The following MAD1L1 variants were observed in gnomAD, a reference collection of about 807,000 sequenced individuals.
MAD1L1 encodes the protein mitotic spindle assembly checkpoint protein MAD1.
Under a neutral mutation model 96.9 loss-of-function variants are expected in MAD1L1, and 95 were observed. That is an observed-to-expected ratio of 0.98 (90% CI 0.83 to 1.16). MAD1L1 has a LOEUF of 1.16. Ranked by LOEUF, MAD1L1 falls within the 50% of genes most tolerant of loss-of-function variation. The pLI is 0.00. For synonymous variants in MAD1L1, 473 were observed against 396.6 expected (o/e 1.19, Z -2.29); for missense variants, 1,007 against 954.4 (o/e 1.06, Z -0.73).
At chr7:2,053,256 C>G (rs1006106355) in intron 12 of MAD1L1, among the ~76,000 whole-genome samples, 2 of 152,154 alleles carry the variant, frequency 1.3e-5, no homozygotes, top group South Asian at 4.1e-4. Context: ...TTGGGGGCCG[C>G]GGAGGCCCAT....
chr7:1,818,845 G>A (rs1448853920), intron 18 of MAD1L1, among the ~76,000 whole-genome samples: 2 of 146,598 alleles, frequency 1.4e-5, no homozygotes, highest in East Asian at 2.1e-4. Flanking sequence ...CTAATATACC[G>A]CGCTGCCCTC....
intron 12 of MAD1L1, among the ~76,000 whole-genome samples, chr7:2,060,177 GCCGAGATACA>G (rs1784581628): frequency 1.4e-5 from 2 of 145,262 alleles, no homozygotes; most frequent in African/African-American, 5.4e-5. Flanking sequence ...ATACGCCGAT[GCCGAGATACA>G]CCGATGCCAA....
chr7:2,192,374 C>G (rs1246011946), intron 10 of MAD1L1, among the ~76,000 whole-genome samples: 1 of 152,164 alleles, frequency 6.6e-6, no homozygotes, highest in Admixed American at 6.5e-5. Context: ...TCAGGTGATC[C>G]ACCCACCTCG....
intron 16 of MAD1L1, among the ~76,000 whole-genome samples, chr7:1,952,300 C>T (rs1038257509): frequency 6.6e-6 from 1 of 152,258 alleles, no homozygotes; most frequent in Non-Finnish European, 1.5e-5. Context: ...CCGAGGACTG[C>T]GGCCGACTCA....
chr7:1,816,501 T>C lies in MAD1L1; in HGVS notation c.1999-273A>G, dbSNP rs568746472. Among the ~76,000 whole-genome samples, 3 of 152,250 alleles carry C rather than the reference T, an allele frequency of 2.0e-5. No homozygotes were observed. In the South Asian group the frequency reaches 6.2e-4, roughly 32 times the overall value. On this transcript the variant is annotated intron_variant, in intron 18 of 18. Coordinates refer to ENST00000265854, the MANE Select transcript of MAD1L1 (RefSeq NM_001013836.2). The stretch of plus-strand genomic sequence containing the variant: ...TGTGGGGTGTGCCCACCCAAGGGGC[T>C]GCCACCTTGCTCCTTCCTCCACCTG...
At chr7:2,121,270 G>T (rs530987686) in intron 11 of MAD1L1, among the ~76,000 whole-genome samples, 1 of 152,226 alleles carries the variant, frequency 6.6e-6, no homozygotes, top group African/African-American at 2.4e-5. Flanking sequence ...GCCCAGATGC[G>T]GCTCCTCCGC....
intron 18 of MAD1L1, among the ~76,000 whole-genome samples, chr7:1,842,638 G>GCCTTCGT (rs1201119870): frequency 2.6e-5 from 4 of 152,254 alleles, no homozygotes; most frequent in African/African-American, 9.6e-5. Flanking sequence ...CCCGAGGGAG[G>GCCTTCGT]CCTTCGTCCT....
rs2128575873 is a variant in MAD1L1 at position 2,142,734 on chromosome 7, C to T, written c.1073+6418G>A. Among the ~76,000 whole-genome samples, 1 of 152,364 alleles carries T rather than the reference C, an allele frequency of 6.6e-6. No individual in the cohort carries two copies. Among genetic ancestry groups the T allele is most frequent in the Non-Finnish European group, 1.5e-5 (1 of 68,026 alleles). Reference sequence around the variant, plus strand: ...CCAAAGCCGAACGGACGCAACAAGGCCTCTGGCCATGTCAAACCCCAGGGG... The same window carrying T: ...CCAAAGCCGAACGGACGCAACAAGGTCTCTGGCCATGTCAAACCCCAGGGG... On this transcript the variant is annotated intron_variant, in intron 11 of 18. Transcript: ENST00000265854. This position sits in a 1 kb window ranked among gnomAD's most constrained non-coding sequence, Gnocchi z 4.7.
In MAD1L1 at chr7:2,104,626, T is replaced by C. The variant is rs562905067; in HGVS notation, c.1074-35288A>G. Among the ~76,000 whole-genome samples the C allele has an allele frequency of 1.1e-4, 16 of 152,344 alleles. No homozygotes were observed. In the South Asian group the frequency reaches 2.9e-3, roughly 28 times the overall value. ...CGGTTTAAATGAATTTACTCCTCGT[T>C]AAATTCTTAACCTGAAAACATAACT... On this transcript the variant is annotated intron_variant, in intron 11 of 18. Transcript: ENST00000265854.
At chr7:2,191,316 T>C (rs182420439) in intron 10 of MAD1L1, among the ~76,000 whole-genome samples, 47 of 152,264 alleles carry the variant, frequency 3.1e-4, no homozygotes, top group South Asian at 8.3e-4. Flanking sequence ...CCAGACACAA[T>C]AGCAAACAGC....
chr7:2,173,710 C>G (rs1201190974), intron 10 of MAD1L1, among the ~76,000 whole-genome samples: 4 of 152,218 alleles, frequency 2.6e-5, no homozygotes, highest in Non-Finnish European at 5.9e-5. Context: ...GGATATCCTG[C>G]TCCCTGCGTT....
At chr7:2,007,682 C>T (rs1782096349) in intron 13 of MAD1L1, among the ~76,000 whole-genome samples, 1 of 152,100 alleles carries the variant, frequency 6.6e-6, no homozygotes, top group African/African-American at 2.4e-5. Context: ...CCCACACTGT[C>T]CCCGCCAAAA....
intron 11 of MAD1L1, among the ~76,000 whole-genome samples, chr7:2,101,108 C>T (rs965616708): frequency 3.9e-5 from 6 of 152,200 alleles, no homozygotes; most frequent in Admixed American, 6.5e-5. Flanking sequence ...CCCTCAGAAA[C>T]TTGCTCCCCT....
chr7:1,838,844 G>C (rs928032739), intron 18 of MAD1L1: 10 of 471,356 alleles, frequency 2.1e-5, no homozygotes, highest in African/African-American at 4.0e-5. Context: ...ACAGTCCCTG[G>C]CCGAGAAGAA....
At chr7:2,222,447 G>T (rs1283026941) in intron 5 of MAD1L1, 128 bp downstream of exon 5, 8 of 744,374 alleles carry the variant, frequency 1.1e-5, no homozygotes, top group Non-Finnish European at 1.2e-5. Flanking sequence ...TGACAACTAT[G>T]TACAAAACGC....
At chr7:2,086,175 C>T (rs995398729) in intron 11 of MAD1L1, among the ~76,000 whole-genome samples, 1 of 152,242 alleles carries the variant, frequency 6.6e-6, no homozygotes, top group Non-Finnish European at 1.5e-5. Context: ...TGAGCCCCTC[C>T]CTCCCCACAG....
chr7:1,881,780 G>A (rs1197425693), intron 18 of MAD1L1, among the ~76,000 whole-genome samples: 2 of 152,234 alleles, frequency 1.3e-5, no homozygotes, highest in Non-Finnish European at 2.9e-5. Flanking sequence ...TGGGAAGGCA[G>A]CAGACACGAC....
chr7:1,882,227 T>A (rs1482401593), intron 18 of MAD1L1, among the ~76,000 whole-genome samples: 1 of 151,976 alleles, frequency 6.6e-6, no homozygotes, highest in Non-Finnish European at 1.5e-5. Context: ...GGGAGGCGAG[T>A]GTGCCGGGCA....
At chr7:1,870,173 G>T (rs1167509034) in intron 18 of MAD1L1, among the ~76,000 whole-genome samples, 1 of 152,052 alleles carries the variant, frequency 6.6e-6, no homozygotes, top group Non-Finnish European at 1.5e-5. Flanking sequence ...GTCACATCCG[G>T]CCTAGTTGGT....
Sources: allele counts gnomAD v4.1 joint callset (sites outside exome capture counted in the v4.1 genomes callset), GRCh38; gene constraint gnomAD v4.1.1; non-coding constraint Gnocchi (gnomAD v3.1); transcripts MANE v1.5; gene names NCBI Gene and HGNC (gene_info 2026-07-23, HGNC 2026-07-21).